TP63: variants seen among roughly 807,000 people sequenced by gnomAD.
TP63 encodes the protein tumor protein 63.
Under a neutral mutation model 82.8 loss-of-function variants are expected in TP63, and 17 were observed. The ratio of observed to expected loss-of-function variants is 0.21; its 90% confidence interval spans 0.14 to 0.31. TP63 has a LOEUF of 0.31. TP63 is among the 10% of genes least tolerant of loss of function. TP63 has a pLI of 1.00. For synonymous variants in TP63, 330 were observed against 321.7 expected (o/e 1.03, Z -0.28); for missense variants, 648 against 895.3 (o/e 0.72, Z 3.52).
chr3:189,778,265 G>C (rs746428287), intron 3 of TP63, among the ~76,000 whole-genome samples: 3 of 152,186 alleles, frequency 2.0e-5, no homozygotes, highest in Non-Finnish European at 4.4e-5. Flanking sequence ...GTGTATGTGG[G>C]AGAAATAAAA....
chr3:189,811,554 G>A (rs1727572881), intron 4 of TP63, among the ~76,000 whole-genome samples: 1 of 152,180 alleles, frequency 6.6e-6, no homozygotes, highest in Non-Finnish European at 1.5e-5. Flanking sequence ...AAAGATGTAA[G>A]TTCTTCGTCA....
intron 1 of TP63, among the ~76,000 whole-genome samples, chr3:189,663,521 C>CTTTTTTTTTTTTTTTTTTTTTTTTTTTT (rs397991949): frequency 1.2e-5 from 1 of 84,530 alleles, no homozygotes. Context: ...TTCATTCATT[C>CTTTTTTTTTTTTTTTTTTTTTTTTTTTT]TTTTTTTTTT....
chr3:189,866,309 AT>A (rs200408548), intron 5 of TP63, among the ~76,000 whole-genome samples: 9 of 151,938 alleles, frequency 5.9e-5, no homozygotes, highest in East Asian at 3.9e-4. Flanking sequence ...AGTTAAACTG[AT>A]TTTTTTTTAA....
intron 1 of TP63, among the ~76,000 whole-genome samples, chr3:189,696,925 G>T (rs1300915671): frequency 1.3e-5 from 2 of 151,930 alleles, no homozygotes; most frequent in Non-Finnish European, 2.9e-5. Context: ...GTATATTTTG[G>T]ATGTAAGCCC....
intron 1 of TP63, among the ~76,000 whole-genome samples, chr3:189,655,217 A>G (rs1713229460): frequency 6.6e-6 from 1 of 152,206 alleles, no homozygotes; most frequent in Non-Finnish European, 1.5e-5. Context: ...GGTTAGCCCT[A>G]AAATGCAAGG....
At chr3:189,660,444 C>T (rs558439980) in intron 1 of TP63, among the ~76,000 whole-genome samples, 5 of 152,012 alleles carry the variant, frequency 3.3e-5, no homozygotes, top group African/African-American at 9.7e-5. Flanking sequence ...GTTTTTGTTA[C>T]TGTAGCATGC....
intron 4 of TP63, among the ~76,000 whole-genome samples, chr3:189,826,687 A>G (rs905521785): frequency 6.6e-6 from 1 of 152,182 alleles, no homozygotes; most frequent in Admixed American, 6.5e-5. Context: ...CTTCAGAATT[A>G]CTAACCACCG....
At chr3:189,631,236 A>G, upstream of TP63, 3 of 985,378 alleles carry the variant, frequency 3.0e-6, no homozygotes, top group South Asian at 9.4e-5. Flanking sequence ...TGAAGCCGTG[A>G]GAGAGGGGGA....
chr3:189,625,527 A>G, the TP63 span, among the ~76,000 whole-genome samples: 1 of 152,162 alleles, frequency 6.6e-6, no homozygotes, highest in African/African-American at 2.4e-5. Context: ...TATTAAGACA[A>G]TTGTCAAATC....
Position 189,872,955 on chromosome 3 carries a change from C to A in TP63, c.1309C>A (p.Gln437Lys). ...LPQHTIETYR[Q>K]QQQQQHQHLL... is the part of the protein sequence containing the mutation. ...TCAGCACACAATTGAAACGTACAGG[C>A]AACAGCAACAGCAGCAGCACCAGCA... Residue 437 changes from glutamine (Q) to lysine (K), a missense_variant, in exon 10 of 14, where the codon CAA (glutamine) becomes AAA (lysine). Around this residue, in one of 5 missense-constraint regions of TP63, gnomAD observed 342 missense variants for 425.7 expected, o/e 0.80. Transcript: ENST00000264731. 6.2e-7 allele frequency: 1 copy of A among 1,614,120 alleles called. No homozygotes were observed. Among genetic ancestry groups the A allele is most frequent in the African/African-American group, 1.3e-5 (1 of 75,032 alleles).
chr3:189,859,335 A>T (rs1370338734), intron 4 of TP63, among the ~76,000 whole-genome samples: 2 of 152,164 alleles, frequency 1.3e-5, no homozygotes, highest in African/African-American at 4.8e-5. Flanking sequence ...CAATTTTTTT[A>T]ACTCAAAAGG....
At chr3:189,736,987 A>T (rs1284484825) in intron 1 of TP63, among the ~76,000 whole-genome samples, 1 of 152,110 alleles carries the variant, frequency 6.6e-6, no homozygotes, top group Non-Finnish European at 1.5e-5. Flanking sequence ...TTTTCCTCCA[A>T]ATATATAGGA....
intron 4 of TP63, among the ~76,000 whole-genome samples, chr3:189,817,001 T>TGG (rs35406510): frequency 1.1e-4 from 16 of 148,718 alleles, no homozygotes; most frequent in South Asian, 8.5e-4. Flanking sequence ...AAGATTCATG[T>TGG]GGGGGAAAAA....
At chr3:189,870,545 G>A (rs565698191) in intron 9 of TP63, among the ~76,000 whole-genome samples, 1 of 152,198 alleles carries the variant, frequency 6.6e-6, no homozygotes, top group Admixed American at 6.5e-5. Context: ...ATGGGGGTGG[G>A]TAGTCCTGGA....
the TP63 span, among the ~76,000 whole-genome samples, chr3:189,621,713 A>AT: frequency 2.0e-5 from 3 of 151,460 alleles, no homozygotes; most frequent in Admixed American, 6.6e-5. Flanking sequence ...GAAAAGAAGG[A>AT]TTTTTTTTTA....
At chr3:189,834,879 GT>G (rs1262996115) in intron 4 of TP63, among the ~76,000 whole-genome samples, 5 of 133,814 alleles carry the variant, frequency 3.7e-5, no homozygotes, top group South Asian at 4.8e-4. Flanking sequence ...ATTTCATATG[GT>G]TTTTTTCCTT....
intron 1 of TP63, among the ~76,000 whole-genome samples, chr3:189,735,880 A>G (rs1720556758): frequency 6.6e-6 from 1 of 152,242 alleles, no homozygotes; most frequent in East Asian, 1.9e-4. Flanking sequence ...TAAGTACAAT[A>G]GAACTGAGGA....
chr3:189,721,080 G>A (rs74717920), intron 1 of TP63, among the ~76,000 whole-genome samples: 1,955 of 152,330 alleles, frequency 0.013, 38 homozygotes, highest in African/African-American at 0.045. Flanking sequence ...TCTTTGCAGA[G>A]ATTTAGAGGC....
At chr3:189,627,487 G>A (rs1199955650), upstream of TP63, among the ~76,000 whole-genome samples, 1 of 152,120 alleles carries the variant, frequency 6.6e-6, no homozygotes, top group Non-Finnish European at 1.5e-5. Flanking sequence ...GCATTGTATT[G>A]TCCAACATAG....
Sources: allele counts gnomAD v4.1 joint callset (sites outside exome capture counted in the v4.1 genomes callset), GRCh38; gene constraint gnomAD v4.1.1; regional missense constraint gnomAD v4.1.1; transcripts MANE v1.5; gene names NCBI Gene and HGNC (gene_info 2026-07-23, HGNC 2026-07-21).